The following WDR59 variants were observed in gnomAD, a reference collection of about 807,000 sequenced individuals.
WDR59 encodes the protein WD repeat domain 59, also known as GATOR2 complex protein WDR59.
A neutral mutation model predicts 131.2 loss-of-function variants in WDR59; 100 were observed. That is an observed-to-expected ratio of 0.76 (90% CI 0.65 to 0.90). The LOEUF (loss-of-function observed/expected upper bound fraction) is 0.90, where lower values mean the gene tolerates loss of function less well. Ranked by LOEUF, WDR59 falls within the 40% of genes least tolerant of loss-of-function variation. WDR59 has a pLI of 0.00. For missense variants in WDR59, 1,203 were observed against 1,262.2 expected (o/e 0.95, Z 0.71); for synonymous variants, 601 against 466.2 (o/e 1.29, Z -3.72).
At chr16:74,984,765 C>A (rs765850133) in intron 1 of WDR59, 199 bp downstream of exon 1, 16 of 678,446 alleles carry the variant, frequency 2.4e-5, no homozygotes, top group Non-Finnish European at 3.7e-5. Flanking sequence ...CCCGAAACTC[C>A]GTCCATGCTC....
intron 19 of WDR59, 129 bp from the exon 20 acceptor site, chr16:74,892,694 G>C (rs765692742): frequency 1.3e-6 from 1 of 748,862 alleles, no homozygotes; most frequent in African/African-American, 1.8e-5. Context: ...TTCCGCGTTG[G>C]CCTTGGGCCC....
chr16:74,906,707 A>G (rs1965837391), intron 17 of WDR59, among the ~76,000 whole-genome samples: 1 of 152,224 alleles, frequency 6.6e-6, no homozygotes, highest in African/African-American at 2.4e-5. Flanking sequence ...GATCAATGTC[A>G]ATAACATTAA....
In WDR59 at chr16:74,942,764, C is replaced by T. The variant is rs1297933014; in HGVS notation, c.508G>A (p.Gly170Ser). The stretch of plus-strand genomic sequence containing the variant: ...CTCTTATCCCATATCCGCACATCGC[C>T]GTCATGGCTGGTGGCAAGGCAGTTA... ...NANCLATSHD[G>S]DVRIWDKRKP... The change falls in exon 7 of 26, where the codon GGC becomes AGC. Residue 170 changes from glycine (G) to serine (S), a missense_variant. Coordinates refer to ENST00000262144, the MANE Select transcript of WDR59 (RefSeq NM_030581.4). 8 of 1,613,312 alleles carry T rather than the reference C, an allele frequency of 5.0e-6. No individual in the cohort carries two copies. The highest frequency in any genetic ancestry group is 2.2e-5 in the East Asian group (1 of 44,880).
At chr16:74,885,121 G>A (rs1416671229) in intron 25 of WDR59, among the ~76,000 whole-genome samples, 1 of 152,108 alleles carries the variant, frequency 6.6e-6, no homozygotes, top group Non-Finnish European at 1.5e-5. Context: ...TCTCATCCGC[G>A]CTGGAGTACT....
At chr16:74,937,096 C>T (rs1178977007) in intron 8 of WDR59, among the ~76,000 whole-genome samples, 1 of 152,180 alleles carries the variant, frequency 6.6e-6, no homozygotes, top group Non-Finnish European at 1.5e-5. Flanking sequence ...AAACCCCTGT[C>T]CTCAGAGACC....
intron 10 of WDR59, among the ~76,000 whole-genome samples, chr16:74,921,437 A>G (rs1205521040): frequency 6.6e-6 from 1 of 152,186 alleles, no homozygotes; most frequent in Non-Finnish European, 1.5e-5. Flanking sequence ...CTTTATTTCC[A>G]TCCAAAACTA....
At position 74,909,868 on chromosome 16, in the gene WDR59, A is replaced by C. The variant is rs777444078; in HGVS notation, c.1439T>G (p.Leu480Arg). ...LQKVKRGQSC[L>R]EPCLRQLVSC... is the part of the protein sequence containing the mutation. ...GACGAGCTGGCGCAGGCAGGGCTCC[A>C]GGCAGCTCTGGCCACGCTTCACTTT... Residue 480 changes from leucine (L) to arginine (R), a missense_variant, in exon 15 of 26, where the codon CTG becomes CGG. Physicochemically the swap from Leu to Arg is moderately radical, Grantham distance 102 (BLOSUM62 -2). Transcript: ENST00000262144. The C allele has an allele frequency of 7.4e-6, 12 of 1,612,956 alleles. No homozygotes were observed. The highest frequency in any genetic ancestry group is 1.0e-5 in the Non-Finnish European group (12 of 1,179,990).
intron 3 of WDR59, 26 bp downstream of exon 3, chr16:74,956,449 C>G: frequency 1.2e-6 from 2 of 1,610,316 alleles, no homozygotes; most frequent in Non-Finnish European, 1.7e-6. Flanking sequence ...TAACAGCATT[C>G]TCCTGTATTC....
rs771136155 is a variant in WDR59 at position 74,885,778 on chromosome 16, T to C, written c.2564A>G (p.Asn855Ser). 3.1e-6 allele frequency: 5 copies of C among 1,614,096 alleles called. No individual in the cohort carries two copies. Among genetic ancestry groups the C allele is most frequent in the Middle Eastern group, 1.6e-4 (1 of 6,062 alleles). Residue 855 changes from asparagine to serine, a missense_variant, in exon 25 of 26, where the codon AAT becomes AGT. Physicochemically the swap from Asn to Ser is conservative, Grantham distance 46. Transcript: ENST00000262144. ...DKNKRLLDPA[N>S]TQQFDDFKKC... ...CTTAAAGTCATCAAATTGCTGGGTATTGGCGGGGTCCAGGAGCCTGGATAA... is the reference window on the plus strand; with the variant it reads ...CTTAAAGTCATCAAATTGCTGGGTACTGGCGGGGTCCAGGAGCCTGGATAA...
At chr16:74,939,033 T>C (rs2032021962) in intron 7 of WDR59, among the ~76,000 whole-genome samples, 1 of 151,852 alleles carries the variant, frequency 6.6e-6, no homozygotes, top group South Asian at 2.1e-4. Context: ...TTAATAAGCA[T>C]AGAAAATAAA....
intron 1 of WDR59, among the ~76,000 whole-genome samples, chr16:74,974,961 T>G (rs911547672): frequency 4.1e-4 from 62 of 152,220 alleles, no homozygotes; most frequent in African/African-American, 1.4e-3. Context: ...TGCTGTAATA[T>G]GTAATGACTG....
At chr16:74,977,073 T>C (rs2034214684) in intron 1 of WDR59, among the ~76,000 whole-genome samples, 2 of 151,942 alleles carry the variant, frequency 1.3e-5, no homozygotes. Context: ...GTTCTGTTCA[T>C]CAAAAGACAG....
At chr16:74,891,404 G>C (rs1379314112) in intron 20 of WDR59, among the ~76,000 whole-genome samples, 1 of 152,168 alleles carries the variant, frequency 6.6e-6, no homozygotes, top group Non-Finnish European at 1.5e-5. Flanking sequence ...GAAACTTGAA[G>C]TTCACATTCA....
intron 13 of WDR59, among the ~76,000 whole-genome samples, chr16:74,912,814 G>A (rs771328412): frequency 6.6e-6 from 1 of 152,188 alleles, no homozygotes; most frequent in African/African-American, 2.4e-5. Context: ...ACAAAGGGAT[G>A]GGCTGAAATA....
chr16:74,958,592 CAAAAAAAAAAA>C lies in WDR59; in HGVS notation c.105-1993_105-1983del, dbSNP rs747175030. Among the ~76,000 whole-genome samples, 103 of 13,250 alleles carry C rather than the reference CAAAAAAAAAAA, an allele frequency of 7.8e-3. 2 individuals carry two copies. Among genetic ancestry groups the C allele is most frequent in the East Asian group, 0.016 (2 of 124 alleles). 8.7% of individuals were successfully genotyped at this position (13,250 alleles called of 152,430 possible). The stretch of plus-strand genomic sequence containing the variant: ...TGGGGGACAGGCTGAGACTCCATCT[CAAAAAAAAAAA>C]AAAAAAAAAAAAAAAAACAAGCTAA... On this transcript the variant is annotated intron_variant, in intron 2 of 25. Coordinates refer to ENST00000262144, the MANE Select transcript of WDR59 (RefSeq NM_030581.4).
Position 74,874,182 on chromosome 16 carries a change from T to G in WDR59, c.*27A>C, listed in dbSNP as rs371668787. 470 of 1,591,988 alleles carry G rather than the reference T, an allele frequency of 3.0e-4. No homozygotes were observed. The highest frequency in any genetic ancestry group is 6.1e-4 in the Admixed American group (36 of 58,558). On this transcript the variant is annotated 3_prime_UTR_variant, in exon 26 of 26. Transcript: ENST00000262144. ...CCGGCACTTATGGGTCCTCTGGGAT[T>G]TCAGACAATACCCAACTTCTGTAGG...
chr16:74,972,416 C>T (rs531045465), intron 1 of WDR59, among the ~76,000 whole-genome samples: 1 of 152,200 alleles, frequency 6.6e-6, no homozygotes, highest in Non-Finnish European at 1.5e-5. Context: ...TTCAGCAATC[C>T]AAAGCAACAG....
intron 3 of WDR59, among the ~76,000 whole-genome samples, chr16:74,952,540 C>T (rs1467507431): frequency 3.3e-5 from 5 of 150,948 alleles, no homozygotes; most frequent in South Asian, 4.2e-4. Flanking sequence ...TGAAATAATG[C>T]CTGTATTTAA....
chr16:74,886,177 C>CAAAAAAAAAAAAA lies in WDR59; in HGVS notation c.2546+80_2546+92dup, dbSNP rs777732079. The stretch of plus-strand genomic sequence containing the variant: ...TAGTGACCGGGTAAGATTCTGTGTC[C>CAAAAAAAAAAAAA]AAAAAAAAAAAAAGTAAGAGTTGTG... On this transcript the variant is annotated intron_variant, in intron 24 of 25. Transcript: ENST00000262144. 5.7e-3 allele frequency: 5,803 copies of CAAAAAAAAAAAAA among 1,012,220 alleles called. 81 individuals carry two copies. The highest frequency in any genetic ancestry group is 9.9e-3 in the South Asian group (581 of 58,530). 62.7% of individuals were successfully genotyped at this position (1,012,220 alleles called of 1,614,324 possible).
Sources: gnomAD v4.1 joint callset for allele counts (sites outside exome capture counted in the v4.1 genomes callset) on GRCh38, gnomAD v4.1.1 for gene constraint, MANE v1.5 for transcripts, NCBI Gene and HGNC (gene_info 2026-07-23, HGNC 2026-07-21) for gene names.